PRKCE: variants seen among roughly 807,000 people sequenced by gnomAD.
PRKCE encodes the protein protein kinase C epsilon, also known as protein kinase C epsilon type.
A neutral mutation model predicts 85.4 loss-of-function variants in PRKCE; 16 were observed. That is an observed-to-expected ratio of 0.19 (90% CI 0.13 to 0.28). PRKCE has a LOEUF of 0.28. Among genes scored for constraint, PRKCE ranks in the 10% least tolerant of loss-of-function variants. The probability of loss-of-function intolerance (pLI) is 1.00; values close to 1 mark genes in which losing one functional copy is unlikely to be tolerated. For missense variants in PRKCE, 573 were observed against 975.2 expected (o/e 0.59, Z 5.49); for synonymous variants, 388 against 371.5 (o/e 1.04, Z -0.51).
At chr2:45,792,274 A>C (rs1229265284) in intron 1 of PRKCE, among the ~76,000 whole-genome samples, 1 of 152,174 alleles carries the variant, frequency 6.6e-6, no homozygotes, top group Non-Finnish European at 1.5e-5. Flanking sequence ...ACTCACTACC[A>C]TGAGAATGGC....
At chr2:46,010,819 G>C in intron 10 of PRKCE, 2 of 1,569,926 alleles carry the variant, frequency 1.3e-6, no homozygotes, top group Non-Finnish European at 1.7e-6. Flanking sequence ...AGTGTGGTTA[G>C]TCCTTGCTCT....
chr2:45,761,602 G>T (rs962148836), intron 1 of PRKCE, among the ~76,000 whole-genome samples: 1 of 152,074 alleles, frequency 6.6e-6, no homozygotes, highest in East Asian at 1.9e-4. Context: ...CTCACTTTTG[G>T]GTCTAGTGGA....
At chr2:45,814,963 A>G (rs1458472354) in intron 1 of PRKCE, among the ~76,000 whole-genome samples, 1 of 152,076 alleles carries the variant, frequency 6.6e-6, no homozygotes, top group East Asian at 1.9e-4. Flanking sequence ...GGTGTTCTCT[A>G]AGTTCCTTTC....
At chr2:45,680,212 G>A (rs550646626) in intron 1 of PRKCE, among the ~76,000 whole-genome samples, 2 of 152,330 alleles carry the variant, frequency 1.3e-5, no homozygotes, top group Non-Finnish European at 2.9e-5. Context: ...ACCTCCAGAG[G>A]TTAATAACTT....
At chr2:46,031,842 C>T (rs1707543667) in intron 10 of PRKCE, among the ~76,000 whole-genome samples, 1 of 152,198 alleles carries the variant, frequency 6.6e-6, no homozygotes, top group Non-Finnish European at 1.5e-5. Context: ...ATCCCACATG[C>T]TCCTCACAGC....
intron 11 of PRKCE, among the ~76,000 whole-genome samples, chr2:46,125,699 T>G (rs191985114): frequency 7.2e-5 from 11 of 152,342 alleles, no homozygotes; most frequent in Admixed American, 7.2e-4. Flanking sequence ...CAGGCATAAA[T>G]ATACCTTCAC....
intron 10 of PRKCE, among the ~76,000 whole-genome samples, chr2:46,031,678 C>G (rs892766576): frequency 1.3e-5 from 2 of 151,392 alleles, no homozygotes; most frequent in African/African-American, 4.9e-5. Context: ...CATAAATGCT[C>G]ATGCATCCTG....
chr2:46,053,451 G>A (rs1037016159), intron 10 of PRKCE, among the ~76,000 whole-genome samples: 19 of 152,048 alleles, frequency 1.2e-4, no homozygotes, highest in African/African-American at 3.9e-4. Flanking sequence ...TCTCCATAAC[G>A]CGTTTCATCT....
At chr2:45,759,033 G>C (rs1684229974) in intron 1 of PRKCE, among the ~76,000 whole-genome samples, 1 of 152,036 alleles carries the variant, frequency 6.6e-6, no homozygotes, top group Admixed American at 6.6e-5. Flanking sequence ...CCTCCCACAG[G>C]GTGATTGAAT....
intron 14 of PRKCE, among the ~76,000 whole-genome samples, chr2:46,165,592 C>A (rs1678260581): frequency 6.6e-6 from 1 of 152,230 alleles, no homozygotes; most frequent in Admixed American, 6.5e-5. Context: ...TTGCCAATAA[C>A]AGTAGCACAT....
chr2:46,168,599 C>T (rs1036500707), intron 14 of PRKCE, among the ~76,000 whole-genome samples: 2 of 152,240 alleles, frequency 1.3e-5, no homozygotes, highest in African/African-American at 4.8e-5. Flanking sequence ...AGGAAAGAAT[C>T]TTCTGCCATC....
At chr2:45,719,399 G>T (rs1043483721) in intron 1 of PRKCE, among the ~76,000 whole-genome samples, 6 of 152,256 alleles carry the variant, frequency 3.9e-5, no homozygotes, top group Non-Finnish European at 2.9e-5. Context: ...TCCCCCAATG[G>T]GAATATCAGT....
At chr2:46,153,761 C>T (rs1279899300) in intron 13 of PRKCE, among the ~76,000 whole-genome samples, 1 of 150,478 alleles carries the variant, frequency 6.6e-6, no homozygotes, top group Non-Finnish European at 1.5e-5. Flanking sequence ...CTTCTTCCTC[C>T]TCTTCCTCTT....
chr2:45,838,910 C>G (rs1175538257), intron 1 of PRKCE, among the ~76,000 whole-genome samples: 1 of 152,120 alleles, frequency 6.6e-6, no homozygotes, highest in Non-Finnish European at 1.5e-5. Context: ...AAGCAGAAGA[C>G]TTGCCTTTTT....
chr2:46,067,451 G>A (rs1318155706), intron 10 of PRKCE, among the ~76,000 whole-genome samples: 2 of 152,204 alleles, frequency 1.3e-5, no homozygotes, highest in African/African-American at 4.8e-5. Context: ...TTAGCCGAAG[G>A]CAGTGAGTTT....
At chr2:45,909,926 TG>T (rs1184689305) in intron 2 of PRKCE, among the ~76,000 whole-genome samples, 1 of 152,182 alleles carries the variant, frequency 6.6e-6, no homozygotes, top group Non-Finnish European at 1.5e-5. Context: ...GGGGTTGCCA[TG>T]GAGACAGTCT....
intron 2 of PRKCE, among the ~76,000 whole-genome samples, chr2:45,871,319 A>G (rs1210223880): frequency 1.3e-5 from 2 of 152,170 alleles, no homozygotes; most frequent in Admixed American, 6.5e-5. Flanking sequence ...CACACGTGCA[A>G]TTGCAGTTGG....
At chr2:46,030,538 T>G (rs1226511077) in intron 10 of PRKCE, among the ~76,000 whole-genome samples, 1 of 152,150 alleles carries the variant, frequency 6.6e-6, no homozygotes, top group Non-Finnish European at 1.5e-5. Context: ...TCCCTGGGGA[T>G]TCTGAAGTCC....
intron 10 of PRKCE, among the ~76,000 whole-genome samples, chr2:46,055,286 C>T (rs906350816): frequency 2.0e-5 from 3 of 152,214 alleles, no homozygotes; most frequent in Non-Finnish European, 2.9e-5. Context: ...CAAAAGTGCT[C>T]GCCCTGGCTC....
Sources: gnomAD v4.1 joint callset for allele counts (sites outside exome capture counted in the v4.1 genomes callset) on GRCh38, gnomAD v4.1.1 for gene constraint, MANE v1.5 for transcripts, NCBI Gene and HGNC (gene_info 2026-07-23, HGNC 2026-07-21) for gene names.